The following CADPS2 variants were observed in gnomAD, a reference collection of about 807,000 sequenced individuals.
The protein encoded by CADPS2 is calcium-dependent secretion activator 2.
A neutral mutation model predicts 172.5 loss-of-function variants in CADPS2; 93 were observed. The observed-to-expected ratio is 0.54, with a 90% CI of 0.46 to 0.64. CADPS2 has a LOEUF of 0.64. CADPS2 is among the 30% of genes least tolerant of loss of function. CADPS2 has a pLI of 0.00. For missense variants in CADPS2, 1,420 were observed against 1,565.9 expected (o/e 0.91, Z 1.57); for synonymous variants, 546 against 555.2 (o/e 0.98, Z 0.23).
At chr7:122,446,108 C>T (rs1207234029) in intron 15 of CADPS2, among the ~76,000 whole-genome samples, 1 of 152,164 alleles carries the variant, frequency 6.6e-6, no homozygotes, top group Non-Finnish European at 1.5e-5. Flanking sequence ...CGTAGGTCTA[C>T]CATCCATGCC....
At chr7:122,679,364 G>A (rs973567596) in intron 2 of CADPS2, among the ~76,000 whole-genome samples, 2 of 140,666 alleles carry the variant, frequency 1.4e-5, no homozygotes, top group Non-Finnish European at 3.0e-5. Context: ...GCACCCCCAG[G>A]CTTGCTAGGA....
intron 1 of CADPS2, among the ~76,000 whole-genome samples, chr7:122,847,536 A>G (rs1812328285): frequency 6.6e-6 from 1 of 151,740 alleles, no homozygotes; most frequent in Admixed American, 6.6e-5. Flanking sequence ...TTGTTCTCAT[A>G]CCATTAGTTT....
chr7:122,559,846 A>G (rs1017332658), intron 7 of CADPS2, among the ~76,000 whole-genome samples: 4 of 151,700 alleles, frequency 2.6e-5, no homozygotes, highest in Non-Finnish European at 5.9e-5. Context: ...CCACCTTTCT[A>G]GAGTTAGGAA....
intron 7 of CADPS2, among the ~76,000 whole-genome samples, chr7:122,561,068 T>C (rs2065695645): frequency 1.3e-5 from 2 of 152,190 alleles, no homozygotes; most frequent in African/African-American, 4.8e-5. Context: ...TTATTTGATT[T>C]AATATCATGG....
chr7:122,562,567 T>G (rs901385642), intron 7 of CADPS2, among the ~76,000 whole-genome samples: 2 of 152,138 alleles, frequency 1.3e-5, no homozygotes, highest in African/African-American at 4.8e-5. Context: ...GATAACAAAT[T>G]TATATTGTTT....
intron 2 of CADPS2, among the ~76,000 whole-genome samples, chr7:122,690,173 C>T (rs911773445): frequency 2.6e-5 from 4 of 152,130 alleles, no homozygotes; most frequent in Admixed American, 6.5e-5. Context: ...AAAGCAAGCA[C>T]GGATACTAAC....
At chr7:122,643,146 C>A (rs2077873115) in intron 3 of CADPS2, among the ~76,000 whole-genome samples, 1 of 152,128 alleles carries the variant, frequency 6.6e-6, no homozygotes, top group South Asian at 2.1e-4. Flanking sequence ...CTTCCTAACA[C>A]TTTCTTGCTT....
chr7:122,763,037 C>G (rs1034258031), intron 1 of CADPS2, among the ~76,000 whole-genome samples: 2 of 152,090 alleles, frequency 1.3e-5, no homozygotes, highest in Non-Finnish European at 2.9e-5. Context: ...CACACACACA[C>G]AGATATGTTT....
intron 20 of CADPS2, among the ~76,000 whole-genome samples, chr7:122,401,837 G>A (rs1040638463): frequency 1.3e-5 from 2 of 152,104 alleles, no homozygotes; most frequent in Non-Finnish European, 2.9e-5. Flanking sequence ...CTGGGAGTCA[G>A]TGAGTGAGTC....
At position 122,320,341 on chromosome 7, in the gene CADPS2, G is replaced by T; in HGVS notation, c.3718-3C>A. ...AATCGAAAGTCCCTGTAGGTTTTCT[G>T]AAGAAAGAAGATAAAATTTGCTTAG... On this transcript the variant is annotated splice_polypyrimidine_tract_variant and splice_region_variant and intron_variant, in intron 29 of 29. Coordinates refer to ENST00000449022, the MANE Select transcript of CADPS2 (RefSeq NM_017954.11). 1 of 1,587,802 alleles carries T rather than the reference G, an allele frequency of 6.3e-7. No individual in the cohort carries two copies. Among genetic ancestry groups the T allele is most frequent in the South Asian group, 1.1e-5 (1 of 86,964 alleles).
At chr7:122,838,407 T>C (rs899891993) in intron 1 of CADPS2, among the ~76,000 whole-genome samples, 3 of 152,088 alleles carry the variant, frequency 2.0e-5, no homozygotes, top group East Asian at 1.9e-4. Context: ...CTATTCAACA[T>C]AGTGTTGGAA....
At chr7:122,697,455 C>T (rs981243396) in intron 2 of CADPS2, among the ~76,000 whole-genome samples, 4 of 151,952 alleles carry the variant, frequency 2.6e-5, no homozygotes, top group African/African-American at 7.3e-5. Flanking sequence ...AATTTTCTTA[C>T]CAAAATAGAA....
chr7:122,469,386 A>C (rs910296677), intron 14 of CADPS2, among the ~76,000 whole-genome samples: 3 of 152,144 alleles, frequency 2.0e-5, no homozygotes, highest in Admixed American at 6.6e-5. Context: ...AGGTCTGCCT[A>C]GTGCTGGAAT....
At chr7:122,421,319 T>A (rs1025366889) in intron 17 of CADPS2, among the ~76,000 whole-genome samples, 2 of 152,180 alleles carry the variant, frequency 1.3e-5, no homozygotes, top group South Asian at 4.1e-4. Flanking sequence ...CTCACCATGA[T>A]CTTAAATTTA....
rs1362408831 is a variant in CADPS2, at chr7:122,645,329, A to G, written c.787-16001T>C. Among the ~76,000 whole-genome samples the G allele has an allele frequency of 2.6e-3, 284 of 107,888 alleles. 5 individuals are homozygous for G. The highest frequency in any genetic ancestry group is 8.1e-3 in the African/African-American group (249 of 30,618). The allele number at this position is 107,888 out of a possible 152,430, so 70.8% of individuals were successfully genotyped here. On this transcript the variant is annotated intron_variant, in intron 3 of 29. Coordinates refer to ENST00000449022, the MANE Select transcript of CADPS2 (RefSeq NM_017954.11). ...TGTACATGTGTGTATACATGTACATATATACACACATGTACATGTGTGTGT... is the reference window on the plus strand; with the variant it reads ...TGTACATGTGTGTATACATGTACATGTATACACACATGTACATGTGTGTGT...
chr7:122,560,651 C>G (rs1200648014), intron 7 of CADPS2, among the ~76,000 whole-genome samples: 1 of 152,162 alleles, frequency 6.6e-6, no homozygotes, highest in Non-Finnish European at 1.5e-5. Flanking sequence ...ATATTTTAGG[C>G]AAATGGCTGA....
At chr7:122,560,749 T>C (rs574703900) in intron 7 of CADPS2, among the ~76,000 whole-genome samples, 8 of 152,212 alleles carry the variant, frequency 5.3e-5, no homozygotes, top group Non-Finnish European at 1.0e-4. Context: ...TCTCTTTCAA[T>C]TGACAGAGAT....
chr7:122,427,408 G>C (rs919527258), intron 17 of CADPS2: 9 of 152,064 alleles, frequency 5.9e-5, no homozygotes, highest in Non-Finnish European at 1.3e-4. Flanking sequence ...AAGTGAGAAA[G>C]TAAAAATAAC....
intron 14 of CADPS2, among the ~76,000 whole-genome samples, chr7:122,466,599 C>T (rs1354150584): frequency 6.6e-6 from 1 of 152,148 alleles, no homozygotes; most frequent in Admixed American, 6.5e-5. Context: ...CTGAGTACTG[C>T]AGTGTTTCAC....
Sources: allele counts gnomAD v4.1 joint callset (sites outside exome capture counted in the v4.1 genomes callset), GRCh38; gene constraint gnomAD v4.1.1; transcripts MANE v1.5; gene names NCBI Gene and HGNC (gene_info 2026-07-23, HGNC 2026-07-21).